GPHN: variants seen among roughly 807,000 people sequenced by gnomAD.
The protein encoded by GPHN is gephyrin.
GPHN carries 17 observed loss-of-function variants against 95.5 expected under a neutral mutation model. The observed-to-expected ratio is 0.18, with a 90% CI of 0.12 to 0.27. GPHN has a LOEUF of 0.27. Ranked by LOEUF, GPHN falls within the 10% of genes least tolerant of loss-of-function variation. The pLI is 1.00. For missense variants in GPHN, 660 were observed against 978.1 expected (o/e 0.67, Z 4.34); for synonymous variants, 320 against 322.5 (o/e 0.99, Z 0.08).
intron 9 of GPHN, among the ~76,000 whole-genome samples, chr14:66,972,474 T>G (rs566435718): frequency 2.2e-4 from 33 of 152,086 alleles, no homozygotes; most frequent in African/African-American, 7.7e-4. Flanking sequence ...AAAAACTAGC[T>G]ATTCAGCTTA....
intron 2 of GPHN, among the ~76,000 whole-genome samples, chr14:66,769,584 T>C (rs2059089405): frequency 6.6e-6 from 1 of 152,166 alleles, no homozygotes; most frequent in African/African-American, 2.4e-5. Flanking sequence ...GTATTTGGCT[T>C]TCTGTTCTTG....
chr14:67,128,361 A>G (rs914488480), intron 17 of GPHN, among the ~76,000 whole-genome samples: 2 of 151,538 alleles, frequency 1.3e-5, no homozygotes, highest in African/African-American at 4.9e-5. Context: ...GGTTCAAGTG[A>G]TTCTCCTGTC....
the GPHN span, chr14:67,360,153 G>A: frequency 4.9e-6 from 2 of 409,964 alleles, no homozygotes; most frequent in East Asian, 7.1e-5. Flanking sequence ...GGAGTCCTAT[G>A]TCTTTCTCGC....
At chr14:67,359,538 C>A in the GPHN span, 11 of 1,156,630 alleles carry the variant, frequency 9.5e-6, no homozygotes, top group Non-Finnish European at 1.4e-5. Context: ...AGAAAAGAAC[C>A]TGGGAAAAGC....
Position 66,676,325 on chromosome 14 carries a change from T to C in GPHN, c.65-4782T>C, listed in dbSNP as rs112948141. On this transcript the variant is annotated intron_variant, in intron 1 of 22. Coordinates refer to ENST00000478722, the MANE Select transcript of GPHN (RefSeq NM_020806.5). ...TTTCCTTTTGTGGCCTAATTTTTCT[T>C]ACAAGGAATTCCAGTTCTATCTTAA... is the stretch of plus-strand genomic sequence containing the variant. Among the ~76,000 whole-genome samples, 549 of 152,264 alleles carry C rather than the reference T, an allele frequency of 3.6e-3. 10 individuals are homozygous for C. The highest frequency in any genetic ancestry group is 0.013 in the African/African-American group (523 of 41,566).
the GPHN span, among the ~76,000 whole-genome samples, chr14:67,402,381 TG>T: frequency 2.0e-5 from 3 of 152,198 alleles, no homozygotes; most frequent in Admixed American, 2.0e-4. Flanking sequence ...TTATGGAGAA[TG>T]GGGTATCCAT....
chr14:67,718,576 T>C, the GPHN span, among the ~76,000 whole-genome samples: 1 of 152,174 alleles, frequency 6.6e-6, no homozygotes, highest in East Asian at 1.9e-4. Context: ...TCACTCACGG[T>C]GAGGCTAGAA....
At chr14:66,739,690 A>G (rs1025620790) in intron 2 of GPHN, among the ~76,000 whole-genome samples, 1 of 152,130 alleles carries the variant, frequency 6.6e-6, no homozygotes, top group Non-Finnish European at 1.5e-5. Flanking sequence ...GAAATACCAT[A>G]CATTATTTAC....
intron 1 of GPHN, among the ~76,000 whole-genome samples, chr14:66,647,521 T>G (rs1311520240): frequency 6.6e-6 from 1 of 151,932 alleles, no homozygotes; most frequent in Non-Finnish European, 1.5e-5. Flanking sequence ...CCCTAGTTGA[T>G]CCCTGAAATC....
At chr14:66,938,181 AT>A (rs2067226729) in intron 8 of GPHN, among the ~76,000 whole-genome samples, 2 of 152,214 alleles carry the variant, frequency 1.3e-5, no homozygotes, top group Admixed American at 1.3e-4. Flanking sequence ...AAAGGAAGAC[AT>A]TCTTATTAGG....
At chr14:67,555,013 A>G in the GPHN span, among the ~76,000 whole-genome samples, 9 of 152,162 alleles carry the variant, frequency 5.9e-5, no homozygotes, top group Admixed American at 1.3e-4. Flanking sequence ...CCCAGGCTCA[A>G]GTGATCCGCC....
chr14:67,634,521 G>C, the GPHN span, among the ~76,000 whole-genome samples: 4 of 150,790 alleles, frequency 2.7e-5, no homozygotes, highest in African/African-American at 4.9e-5. Context: ...TTGAGCCTGG[G>C]AGATGGAGGC....
At chr14:67,307,627 G>A in the GPHN span, among the ~76,000 whole-genome samples, 1 of 152,128 alleles carries the variant, frequency 6.6e-6, no homozygotes, top group Non-Finnish European at 1.5e-5. Context: ...TTTCTTGGTG[G>A]ATGTGGGGAA....
At chr14:67,249,253 T>A in the GPHN span, among the ~76,000 whole-genome samples, 3 of 152,196 alleles carry the variant, frequency 2.0e-5, no homozygotes, top group Admixed American at 2.0e-4. Context: ...TGGGCCACCA[T>A]GCTTGGCCTC....
chr14:66,584,148 A>T (rs1167673471), intron 1 of GPHN, among the ~76,000 whole-genome samples: 1 of 152,204 alleles, frequency 6.6e-6, no homozygotes, highest in South Asian at 2.1e-4. Context: ...CTTTGTAGCA[A>T]TTGTGAATGG....
intron 8 of GPHN, among the ~76,000 whole-genome samples, chr14:66,934,827 T>A (rs1373786343): frequency 6.6e-6 from 1 of 152,216 alleles, no homozygotes; most frequent in South Asian, 2.1e-4. Context: ...TTTGGTTACA[T>A]GAGCCAATAA....
chr14:67,064,139 T>C (rs902532278), intron 11 of GPHN, among the ~76,000 whole-genome samples: 4 of 152,212 alleles, frequency 2.6e-5, no homozygotes, highest in Admixed American at 1.3e-4. Context: ...GTTTTTAGCA[T>C]GAAGGGCTGT....
the GPHN span, among the ~76,000 whole-genome samples, chr14:67,510,840 T>C: frequency 6.6e-6 from 1 of 152,138 alleles, no homozygotes; most frequent in Non-Finnish European, 1.5e-5. Flanking sequence ...CTGTCGGTGC[T>C]CTGAAGAATG....
intron 1 of GPHN, among the ~76,000 whole-genome samples, chr14:66,566,356 A>G (rs1161680122): frequency 3.9e-5 from 6 of 152,216 alleles, no homozygotes; most frequent in Non-Finnish European, 8.8e-5. Flanking sequence ...TACTAGAAAC[A>G]TAAATTCTAG....
Sources: allele counts gnomAD v4.1 joint callset (sites outside exome capture counted in the v4.1 genomes callset), GRCh38; gene constraint gnomAD v4.1.1; transcripts MANE v1.5; gene names NCBI Gene and HGNC (gene_info 2026-07-23, HGNC 2026-07-21).